PTPN4: variants seen among roughly 807,000 people sequenced by gnomAD.
The protein encoded by PTPN4 is tyrosine-protein phosphatase non-receptor type 4.
In PTPN4, 49 loss-of-function variants were observed where a neutral mutation model predicts 135.5. The ratio of observed to expected loss-of-function variants is 0.36; its 90% CI spans 0.29 to 0.46. The LOEUF (loss-of-function observed/expected upper bound fraction) is 0.46. Among genes scored for constraint, PTPN4 ranks in the 20% least tolerant of loss-of-function variants. The pLI is 1.00. For synonymous variants in PTPN4, 333 were observed against 369.9 expected (o/e 0.90, Z 1.14); for missense variants, 860 against 1,101.0 (o/e 0.78, Z 3.10).
intron 1 of PTPN4, among the ~76,000 whole-genome samples, chr2:119,802,270 A>G (rs1041575055): frequency 2.0e-4 from 30 of 152,282 alleles, no homozygotes; most frequent in Middle Eastern, 3.4e-3. Flanking sequence ...GTGAGAGCAG[A>G]TACCCTTCCT....
rs928644279 is a variant in PTPN4, at chr2:119,966,524, T to C, written c.2558+879T>C. On this transcript the variant is annotated intron_variant, in intron 25 of 26. Coordinates refer to ENST00000263708, the MANE Select transcript of PTPN4 (RefSeq NM_002830.4). ...CCACCTACTTCGGCCTCACAAAGTG[T>C]TGGGATTACAGGTGTGAGCCACCGC... Among the ~76,000 whole-genome samples the C allele has an allele frequency of 4.6e-5, 7 of 152,136 alleles. No individual in the cohort carries two copies. The South Asian group carries it at 1.2e-3, about 27-fold the overall frequency.
intron 2 of PTPN4, among the ~76,000 whole-genome samples, chr2:119,837,078 G>C (rs1021704143): frequency 8.5e-5 from 13 of 152,204 alleles, no homozygotes; most frequent in Non-Finnish European, 1.3e-4. Flanking sequence ...TGGGGGCTGG[G>C]CTGTCAGTTC....
intron 13 of PTPN4, among the ~76,000 whole-genome samples, chr2:119,930,738 G>C (rs992590397): frequency 2.0e-5 from 3 of 151,948 alleles, no homozygotes; most frequent in African/African-American, 7.2e-5. Context: ...AACTTCATGA[G>C]ATCATTATGT....
At chr2:119,857,026 GTTAC>G (rs1379774521) in intron 2 of PTPN4, among the ~76,000 whole-genome samples, 1 of 152,078 alleles carries the variant, frequency 6.6e-6, no homozygotes, top group Non-Finnish European at 1.5e-5. Flanking sequence ...TTCTTACTCA[GTTAC>G]TTATCTTTTG....
intron 9 of PTPN4, among the ~76,000 whole-genome samples, chr2:119,900,512 A>G (rs983814051): frequency 3.9e-5 from 6 of 152,156 alleles, no homozygotes; most frequent in African/African-American, 1.4e-4. Context: ...AAAGAATTTT[A>G]ATAAGACATT....
At chr2:119,845,158 G>T (rs936141067) in intron 2 of PTPN4, among the ~76,000 whole-genome samples, 1 of 148,142 alleles carries the variant, frequency 6.8e-6, no homozygotes, top group African/African-American at 2.5e-5. Flanking sequence ...AGGAGAATCA[G>T]GCAGGGAGGT....
intron 10 of PTPN4, among the ~76,000 whole-genome samples, chr2:119,913,821 C>G (rs534731378): frequency 1.5e-4 from 23 of 151,812 alleles, no homozygotes; most frequent in African/African-American, 5.6e-4. Flanking sequence ...TACAAAATGA[C>G]AGAAACATTG....
At chr2:119,868,457 G>A (rs1677862677) in intron 3 of PTPN4, among the ~76,000 whole-genome samples, 1 of 152,084 alleles carries the variant, frequency 6.6e-6, no homozygotes, top group Admixed American at 6.5e-5. Flanking sequence ...TATACTGTTG[G>A]GAACAGGACC....
intron 13 of PTPN4, among the ~76,000 whole-genome samples, chr2:119,932,084 A>G (rs1678914856): frequency 1.3e-5 from 2 of 152,222 alleles, no homozygotes; most frequent in South Asian, 4.1e-4. Context: ...AGAAGTAGGT[A>G]GTATCTGTCT....
intron 20 of PTPN4, 26 bp from the exon 21 acceptor site, chr2:119,956,818 A>G (rs768254718): frequency 1.9e-6 from 3 of 1,578,764 alleles, no homozygotes; most frequent in Non-Finnish European, 1.7e-6. Context: ...TTTTGTTGGA[A>G]TTGTACCTTT....
intron 1 of PTPN4, among the ~76,000 whole-genome samples, chr2:119,767,102 G>T (rs540961263): frequency 6.6e-6 from 1 of 152,146 alleles, no homozygotes; most frequent in South Asian, 2.1e-4. Flanking sequence ...GCTATGTACC[G>T]TGTGTATACA....
chr2:119,884,892 CTTTGTT>C (rs1678133236), intron 8 of PTPN4, among the ~76,000 whole-genome samples: 1 of 151,944 alleles, frequency 6.6e-6, no homozygotes, highest in Admixed American at 6.6e-5. Flanking sequence ...AAGTTTGTAT[CTTTGTT>C]TTTGTAATTT....
chr2:119,790,045 A>C (rs1214267644), intron 1 of PTPN4, among the ~76,000 whole-genome samples: 3 of 151,994 alleles, frequency 2.0e-5, no homozygotes, highest in South Asian at 4.2e-4. Context: ...ACTCATTTCT[A>C]ATTTTATTCC....
chr2:119,786,582 G>A (rs1445170293), intron 1 of PTPN4, among the ~76,000 whole-genome samples: 1 of 152,118 alleles, frequency 6.6e-6, no homozygotes, highest in Admixed American at 6.5e-5. Context: ...CTTTCTACAT[G>A]TGACCTGGGC....
intron 2 of PTPN4, among the ~76,000 whole-genome samples, chr2:119,810,878 T>C (rs1691562477): frequency 6.6e-6 from 1 of 152,194 alleles, no homozygotes; most frequent in South Asian, 2.1e-4. Flanking sequence ...ATTCCGAGAA[T>C]CTCATAATTA....
chr2:119,853,580 C>T (rs1677629228), intron 2 of PTPN4, among the ~76,000 whole-genome samples: 1 of 151,864 alleles, frequency 6.6e-6, no homozygotes, highest in South Asian at 2.1e-4. Context: ...TTTGCCTTCC[C>T]CCTTTATAAT....
Position 119,983,054 on chromosome 2 carries a change from C to T in PTPN4, c.*5984C>T, listed in dbSNP as rs761538049. ...GACTTCATTATTTTTATTTCTCTTTCCACGTCTCCAACTTTTTAAAAATCA... is the reference window on the plus strand; with the variant it reads ...GACTTCATTATTTTTATTTCTCTTTTCACGTCTCCAACTTTTTAAAAATCA... On this transcript the variant is annotated 3_prime_UTR_variant, in exon 27 of 27. Transcript: ENST00000263708. 1 of 152,176 alleles carries T rather than the reference C, an allele frequency of 6.6e-6. No homozygotes were observed. Among genetic ancestry groups the T allele is most frequent in the African/African-American group, 2.4e-5 (1 of 41,418 alleles). 9.4% of individuals were successfully genotyped at this position (152,176 alleles called of 1,614,324 possible).
At chr2:119,927,136 C>T (rs1678837438) in intron 13 of PTPN4, among the ~76,000 whole-genome samples, 1 of 117,088 alleles carries the variant, frequency 8.5e-6, no homozygotes, top group African/African-American at 3.4e-5. Flanking sequence ...TTTTTTGAGA[C>T]GGAGTCTTAC....
chr2:119,831,084 G>A (rs1677213476), intron 2 of PTPN4, among the ~76,000 whole-genome samples: 1 of 152,160 alleles, frequency 6.6e-6, no homozygotes. Context: ...GTGGTTTGGG[G>A]ATGAAACAGT....
Sources: allele counts gnomAD v4.1 joint callset (sites outside exome capture counted in the v4.1 genomes callset), GRCh38; gene constraint gnomAD v4.1.1; transcripts MANE v1.5; gene names NCBI Gene and HGNC (gene_info 2026-07-23, HGNC 2026-07-21).